PCNX2: variants seen among roughly 807,000 people sequenced by gnomAD.
The protein encoded by PCNX2 is pecanex-like protein 2.
PCNX2 carries 168 observed loss-of-function variants against 223.8 expected under a neutral mutation model. The observed-to-expected ratio is 0.75, with a 90% CI of 0.66 to 0.85. PCNX2 has a LOEUF of 0.85. PCNX2 is among the 40% of genes least tolerant of loss of function. The pLI, the probability that PCNX2 is intolerant of heterozygous loss-of-function variation, is 0.00. For synonymous variants in PCNX2, 1,006 were observed against 1,052.6 expected (o/e 0.96, Z 0.86); for missense variants, 2,507 against 2,675.5 (o/e 0.94, Z 1.39).
At chr1:233,141,379 AAG>A (rs1275397518) in intron 19 of PCNX2, among the ~76,000 whole-genome samples, 2 of 152,228 alleles carry the variant, frequency 1.3e-5, no homozygotes, top group African/African-American at 2.4e-5. Flanking sequence ...TAAAAATATG[AAG>A]AGAGACCGGG....
intron 23 of PCNX2, chr1:233,087,260 G>A (rs1673653070): frequency 2.1e-6 from 2 of 965,814 alleles, no homozygotes; most frequent in Non-Finnish European, 2.5e-6. Flanking sequence ...TGAGGGAGCA[G>A]AGGTGAAAAG....
intron 17 of PCNX2, among the ~76,000 whole-genome samples, chr1:233,165,199 A>G (rs935740925): frequency 2.0e-5 from 3 of 152,242 alleles, no homozygotes; most frequent in Admixed American, 6.5e-5. Flanking sequence ...AGCTGTTTTC[A>G]AAGTAGTTGT....
chr1:233,197,090 A>C (rs754044066), intron 15 of PCNX2, among the ~76,000 whole-genome samples: 19 of 152,262 alleles, frequency 1.2e-4, no homozygotes, highest in Non-Finnish European at 2.8e-4. Context: ...AAATCTGATG[A>C]ATGGTGGCCA....
intron 1 of PCNX2, among the ~76,000 whole-genome samples, chr1:233,274,932 A>C (rs1451252001): frequency 6.6e-6 from 1 of 152,248 alleles, no homozygotes; most frequent in Admixed American, 6.5e-5. Flanking sequence ...GTAGATGGAC[A>C]GATGGAGACA....
chr1:233,207,580 A>C (rs538377820), intron 13 of PCNX2, among the ~76,000 whole-genome samples: 1 of 152,300 alleles, frequency 6.6e-6, no homozygotes, highest in South Asian at 2.1e-4. Flanking sequence ...ACTGCTCTCT[A>C]TGTCTAAGTA....
At chr1:233,183,197 G>C (rs1038578801) in intron 15 of PCNX2, among the ~76,000 whole-genome samples, 1 of 152,022 alleles carries the variant, frequency 6.6e-6, no homozygotes, top group African/African-American at 2.4e-5. Context: ...AGATGCTACC[G>C]GCATCACCAT....
At chr1:233,316,787 C>A in the PCNX2 span, among the ~76,000 whole-genome samples, 2 of 152,174 alleles carry the variant, frequency 1.3e-5, no homozygotes, top group African/African-American at 4.8e-5. Context: ...ACCCCCTCCC[C>A]ATTCCTGACT....
rs575357994 is a variant in PCNX2 at position 233,282,363 on chromosome 1, C to G, written c.153+12963G>C. The stretch of plus-strand genomic sequence containing the variant: ...TTGATTATTTTTCAAATCTGTATCC[C>G]TAGCTTAGATTGTTCCTTTAAACTC... On this transcript the variant is annotated intron_variant, in intron 1 of 33. Transcript: ENST00000258229. 2.0e-5 allele frequency among the ~76,000 whole-genome samples: 3 copies of G among 152,230 alleles called. No individual in the cohort carries two copies. The East Asian group carries it at 5.8e-4, about 29-fold the overall frequency.
Position 233,178,725 on chromosome 1 carries a change from G to T in PCNX2, c.3176+341C>A, listed in dbSNP as rs890560226. Among the ~76,000 whole-genome samples, 2 of 152,140 alleles carry T rather than the reference G, an allele frequency of 1.3e-5. 1 individual carries two copies. The highest frequency in any genetic ancestry group is 4.1e-4 in the South Asian group (2 of 4,828). On this transcript the variant is annotated intron_variant, in intron 16 of 33. Transcript: ENST00000258229. ...GATGTAGTTAATGGATCTAGAGAGG[G>T]TATTGTTGAGGAGGCAGCTTCTTAC...
chr1:233,064,212 T>A (rs548966801), intron 23 of PCNX2, among the ~76,000 whole-genome samples: 1 of 152,220 alleles, frequency 6.6e-6, no homozygotes, highest in East Asian at 1.9e-4. Flanking sequence ...GTTGAAGATA[T>A]GTCATGTCCT....
chr1:233,053,843 A>T (rs1224781587), intron 25 of PCNX2, among the ~76,000 whole-genome samples: 1 of 152,176 alleles, frequency 6.6e-6, no homozygotes, highest in Admixed American at 6.5e-5. Flanking sequence ...TCTCATTATT[A>T]TTATTTTGCA....
chr1:233,242,918 T>C (rs1658863464), intron 8 of PCNX2, among the ~76,000 whole-genome samples: 1 of 152,244 alleles, frequency 6.6e-6, no homozygotes, highest in Non-Finnish European at 1.5e-5. Flanking sequence ...TGGCAGTTTT[T>C]CCTACTAGCA....
chr1:233,035,549 A>T (rs1183333868), intron 25 of PCNX2, among the ~76,000 whole-genome samples: 1 of 152,206 alleles, frequency 6.6e-6, no homozygotes, highest in Non-Finnish European at 1.5e-5. Flanking sequence ...TAGAGAAGGG[A>T]CAAAGCTCAA....
intron 15 of PCNX2, among the ~76,000 whole-genome samples, chr1:233,185,084 AACACACACACACACACACACACACAC>A (rs60719299): frequency 1.4e-5 from 2 of 141,718 alleles, no homozygotes; most frequent in African/African-American, 5.3e-5. Context: ...TACATACATA[AACACACACACACACACACACACACAC>A]ACACACACAC....
intron 31 of PCNX2, among the ~76,000 whole-genome samples, 165 bp from the exon 32 acceptor site, chr1:232,998,603 G>A (rs1234794283): frequency 6.6e-6 from 1 of 152,174 alleles, no homozygotes; most frequent in Non-Finnish European, 1.5e-5. Flanking sequence ...CCAAACCTCA[G>A]CATCTAATAA....
At chr1:233,134,906 C>A in intron 21 of PCNX2, 107 bp downstream of exon 21, 1 of 949,774 alleles carries the variant, frequency 1.1e-6, no homozygotes. Context: ...AATTTCATAT[C>A]CTCCCATAAT....
intron 1 of PCNX2, among the ~76,000 whole-genome samples, chr1:233,281,995 C>A (rs1661216283): frequency 6.6e-6 from 1 of 152,152 alleles, no homozygotes; most frequent in Admixed American, 6.5e-5. Context: ...AGATAGTGTG[C>A]CCTTTTTCTG....
chr1:232,984,295 G>A lies in PCNX2; in HGVS notation c.*9C>T, dbSNP rs770705022. The A allele has an allele frequency of 1.8e-5, 28 of 1,588,648 alleles. No homozygotes were observed. The highest frequency in any genetic ancestry group is 2.3e-5 in the East Asian group (1 of 44,062). On this transcript the variant is annotated 3_prime_UTR_variant, in exon 34 of 34. Transcript: ENST00000258229. ...GGGGAGCCAGCCTCCCCGCCCGGCC[G>A]CACGCCCGTCACTGCTCGTCTGACA...
chr1:233,265,233 G>A (rs2103003439), intron 1 of PCNX2, among the ~76,000 whole-genome samples: 1 of 117,876 alleles, frequency 8.5e-6, no homozygotes, highest in South Asian at 3.6e-4. Context: ...GCTACCAAGT[G>A]AGACCCTCTC....
Sources: gnomAD v4.1 joint callset for allele counts (sites outside exome capture counted in the v4.1 genomes callset) on GRCh38, gnomAD v4.1.1 for gene constraint, MANE v1.5 for transcripts, NCBI Gene and HGNC (gene_info 2026-07-23, HGNC 2026-07-21) for gene names.